The following CAMK1D variants were observed in gnomAD, a reference collection of about 807,000 sequenced individuals.
The protein encoded by CAMK1D is calcium/calmodulin-dependent protein kinase type 1D.
A neutral mutation model predicts 47.7 loss-of-function variants in CAMK1D; 9 were observed. The ratio of observed to expected loss-of-function variants is 0.19; its 90% CI spans 0.11 to 0.33. The LOEUF is 0.33. Among genes scored for constraint, CAMK1D ranks in the 10% least tolerant of loss-of-function variants. The pLI, the probability that CAMK1D is intolerant of heterozygous loss-of-function variation, is 1.00. For missense variants in CAMK1D, 291 were observed against 488.7 expected (o/e 0.60, Z 3.81); for synonymous variants, 184 against 184.9 (o/e 0.99, Z 0.04).
At position 12,349,740 on chromosome 10, in the gene CAMK1D, C is replaced by T; in HGVS notation, c.-79C>T. The T allele has an allele frequency of 2.4e-6, 1 of 422,184 alleles. No homozygotes were observed. Among genetic ancestry groups the T allele is most frequent in the Non-Finnish European group, 3.3e-6 (1 of 299,060 alleles). The allele number at this position is 422,184 out of a possible 1,614,324, so 26.2% of individuals were successfully genotyped here. On this transcript the variant is annotated 5_prime_UTR_variant, in exon 1 of 11. Coordinates refer to ENST00000619168, the MANE Select transcript of CAMK1D (RefSeq NM_153498.4). ...CCCGAGCCGCCCGGCATCCCCGCCG[C>T]CTCTGCGCCCGCGCCGCGCCCCCGG...
chr10:12,508,310 A>G (rs1834939785), intron 1 of CAMK1D, among the ~76,000 whole-genome samples: 1 of 152,278 alleles, frequency 6.6e-6, no homozygotes, highest in African/African-American at 2.4e-5. Flanking sequence ...GCAGTGGAAT[A>G]TTATGCAACC....
At chr10:12,421,322 A>G (rs572222738) in intron 1 of CAMK1D, among the ~76,000 whole-genome samples, 2 of 152,110 alleles carry the variant, frequency 1.3e-5, no homozygotes, top group East Asian at 3.9e-4. Flanking sequence ...CGGCGGTCAC[A>G]GTGTGTGTGG....
chr10:12,735,777 C>T (rs891471761), intron 3 of CAMK1D, among the ~76,000 whole-genome samples: 2 of 96,766 alleles, frequency 2.1e-5, no homozygotes, highest in Admixed American at 2.9e-4. Flanking sequence ...GTGGCACAGT[C>T]AGCATCTTTT....
At chr10:12,358,202 G>T (rs2131837002) in intron 1 of CAMK1D, among the ~76,000 whole-genome samples, 1 of 152,178 alleles carries the variant, frequency 6.6e-6, no homozygotes, top group South Asian at 2.1e-4. Flanking sequence ...CCCAGCCTGG[G>T]TGACAGAGAG....
At chr10:12,477,618 C>G (rs553173186) in intron 1 of CAMK1D, among the ~76,000 whole-genome samples, 4 of 152,044 alleles carry the variant, frequency 2.6e-5, no homozygotes, top group African/African-American at 7.2e-5. Context: ...AGAGACAGGA[C>G]GATGTGTGGT....
intron 2 of CAMK1D, among the ~76,000 whole-genome samples, chr10:12,567,736 G>A (rs1488766252): frequency 6.6e-6 from 1 of 152,122 alleles, no homozygotes; most frequent in Non-Finnish European, 1.5e-5. Flanking sequence ...TCTTTTTGTT[G>A]ATGTCGTCGT....
chr10:12,788,438 A>G (rs185266968), intron 5 of CAMK1D, among the ~76,000 whole-genome samples: 4 of 152,310 alleles, frequency 2.6e-5, no homozygotes, highest in Admixed American at 2.6e-4. Context: ...TCTGGAACCT[A>G]GCGCCTCCAC....
intron 1 of CAMK1D, among the ~76,000 whole-genome samples, chr10:12,419,690 A>C (rs1180220547): frequency 6.6e-6 from 1 of 151,850 alleles, no homozygotes; most frequent in East Asian, 1.9e-4. Context: ...AGTTCTTGTT[A>C]ACTTCTAGGT....
At chr10:12,738,046 C>T (rs540914306) in intron 3 of CAMK1D, among the ~76,000 whole-genome samples, 13 of 152,214 alleles carry the variant, frequency 8.5e-5, no homozygotes, top group African/African-American at 2.6e-4. Context: ...ATCTTTGAAA[C>T]GAAGACTCTT....
intron 1 of CAMK1D, among the ~76,000 whole-genome samples, chr10:12,493,446 A>G (rs74227221): frequency 0.011 from 1,750 of 152,222 alleles, 59 homozygotes; most frequent in South Asian, 0.092. Context: ...GCATCTTCTC[A>G]CAAGAAAATG....
rs867466475 is a variant in CAMK1D, at chr10:12,499,065, A to G, written c.93-54160A>G. ...AATCTACTCTCTTGGCTTGTAAATT[A>G]CAGCTTTTTTTTTTTTTTTTTGCAT... On this transcript the variant is annotated intron_variant, in intron 1 of 10. Transcript: ENST00000619168. Among the ~76,000 whole-genome samples, 142 of 138,732 alleles carry G rather than the reference A, an allele frequency of 1.0e-3. No individual in the cohort carries two copies. In the Middle Eastern group the frequency reaches 0.016, roughly 15 times the overall value. The allele number at this position is 138,732 out of a possible 152,430, so 91.0% of individuals were successfully genotyped here. A position where few individuals can be genotyped will look rare whatever the true frequency, so the allele number is the denominator to read the frequency against.
intron 1 of CAMK1D, among the ~76,000 whole-genome samples, chr10:12,429,482 G>A (rs1439768382): frequency 6.6e-6 from 1 of 152,126 alleles, no homozygotes; most frequent in East Asian, 1.9e-4. Context: ...TGGGATTATA[G>A]GTGCGCGCTA....
At chr10:12,780,057 C>T (rs992115799) in intron 5 of CAMK1D, among the ~76,000 whole-genome samples, 4 of 151,902 alleles carry the variant, frequency 2.6e-5, no homozygotes, top group Non-Finnish European at 5.9e-5. Context: ...AAACGTGTTT[C>T]ATCTTGTTCT....
intron 1 of CAMK1D, among the ~76,000 whole-genome samples, chr10:12,405,137 C>T (rs1263724435): frequency 1.3e-5 from 2 of 152,094 alleles, no homozygotes; most frequent in South Asian, 4.1e-4. Flanking sequence ...TTAGCCTGAG[C>T]CATCGTATTG....
At chr10:12,529,403 C>A (rs890670520) in intron 1 of CAMK1D, among the ~76,000 whole-genome samples, 1 of 152,158 alleles carries the variant, frequency 6.6e-6, no homozygotes, top group African/African-American at 2.4e-5. Context: ...TATGTGTAAT[C>A]ACCATGGAGT....
intron 2 of CAMK1D, among the ~76,000 whole-genome samples, chr10:12,665,945 G>A (rs1009015573): frequency 2.6e-5 from 4 of 152,274 alleles, no homozygotes; most frequent in Non-Finnish European, 4.4e-5. Context: ...GTCTAACACA[G>A]TATTTCTCAA....
At position 12,401,911 on chromosome 10, in the gene CAMK1D, A is replaced by ATG. The variant is rs928203794; in HGVS notation, c.92+52002_92+52003insGT. 1.1e-4 allele frequency among the ~76,000 whole-genome samples: 17 copies of ATG among 151,062 alleles called. No homozygotes were observed. The South Asian group carries it at 1.9e-3, about 17-fold the overall frequency. On this transcript the variant is annotated intron_variant, in intron 1 of 10. Coordinates refer to ENST00000619168, the MANE Select transcript of CAMK1D (RefSeq NM_153498.4). ...ATTCTCAGACTATATATATATATAT[A>ATG]TATGGACAGAATCTTGCTCTGTCAC...
At position 12,367,808 on chromosome 10, in the gene CAMK1D, T is replaced by C. The variant is rs936319716; in HGVS notation, c.92+17898T>C. On this transcript the variant is annotated intron_variant, in intron 1 of 10. Coordinates refer to ENST00000619168, the MANE Select transcript of CAMK1D (RefSeq NM_153498.4). The stretch of plus-strand genomic sequence containing the variant: ...GATGAAGCTTTGCTTGGTTGCCGGC[T>C]GCTCACCTCCTGTTTTGTTGCCCAG... Among the ~76,000 whole-genome samples the C allele has an allele frequency of 1.6e-4, 25 of 152,158 alleles. 1 individual carries two copies. The highest frequency in any genetic ancestry group is 6.0e-4 in the African/African-American group (25 of 41,436).
At chr10:12,449,533 T>TGTTA (rs10645686) in intron 1 of CAMK1D, among the ~76,000 whole-genome samples, 136,179 of 151,330 alleles carry the variant, frequency 0.9, 61,690 homozygotes, top group East Asian at 0.99. Context: ...TTGATAGGTA[T>TGTTA]GTTAGCTTGA....
Sources: allele counts gnomAD v4.1 joint callset (sites outside exome capture counted in the v4.1 genomes callset), GRCh38; gene constraint gnomAD v4.1.1; transcripts MANE v1.5; gene names NCBI Gene and HGNC (gene_info 2026-07-23, HGNC 2026-07-21).